Variants in ADGRB3 observed in about 807,000 individuals in gnomAD.
ADGRB3 encodes adhesion G protein-coupled receptor B3.
A neutral mutation model predicts 193.4 loss-of-function variants in ADGRB3; 37 were observed. The observed-to-expected ratio is 0.19, with a 90% CI of 0.15 to 0.25. The LOEUF is 0.25. ADGRB3 is among the 10% of genes least tolerant of loss of function. The probability of loss-of-function intolerance (pLI) is 1.00; values close to 1 mark genes in which losing one functional copy is unlikely to be tolerated. For synonymous variants in ADGRB3, 690 were observed against 644.2 expected (o/e 1.07, Z -1.08); for missense variants, 1,637 against 1,852.9 (o/e 0.88, Z 2.14).
intron 17 of ADGRB3, among the ~76,000 whole-genome samples, chr6:69,108,627 G>A (rs950630836): frequency 6.6e-6 from 1 of 152,112 alleles, no homozygotes; most frequent in Non-Finnish European, 1.5e-5. Context: ...CTATAAAAGA[G>A]AAGAATGATG....
chr6:69,109,488 GA>G (rs1175579752), intron 17 of ADGRB3, among the ~76,000 whole-genome samples: 1 of 152,138 alleles, frequency 6.6e-6, no homozygotes, highest in Non-Finnish European at 1.5e-5. Context: ...AAGTAATACT[GA>G]TTACTAGAAA....
chr6:68,837,560 T>C (rs1300309521), intron 3 of ADGRB3, among the ~76,000 whole-genome samples: 1 of 152,216 alleles, frequency 6.6e-6, no homozygotes, highest in Non-Finnish European at 1.5e-5. Context: ...ATTTTATCAA[T>C]AAAAAGTTTC....
At chr6:69,150,553 G>C (rs148847793) in intron 17 of ADGRB3, among the ~76,000 whole-genome samples, 157 of 152,298 alleles carry the variant, frequency 1.0e-3, no homozygotes, top group Non-Finnish European at 1.9e-3. Flanking sequence ...CCATTCAAGA[G>C]CCAAGGCCTG....
intron 3 of ADGRB3, among the ~76,000 whole-genome samples, chr6:68,711,840 A>G (rs1279775038): frequency 6.6e-6 from 1 of 152,108 alleles, no homozygotes; most frequent in Non-Finnish European, 1.5e-5. Context: ...CTTACTCCTT[A>G]GCAAGATAAT....
chr6:68,858,699 AGAATGGCTTG>A (rs1765063146), intron 3 of ADGRB3, among the ~76,000 whole-genome samples: 1 of 152,072 alleles, frequency 6.6e-6, no homozygotes, highest in South Asian at 2.1e-4. Context: ...CTTTGATAAG[AGAATGGCTTG>A]GGGCTTGCAC....
intron 5 of ADGRB3, among the ~76,000 whole-genome samples, chr6:68,941,776 A>G (rs890055043): frequency 1.3e-5 from 2 of 151,876 alleles, no homozygotes; most frequent in Non-Finnish European, 2.9e-5. Context: ...TATTCATTTA[A>G]TATGCCAAAA....
At chr6:69,331,851 CTTAGT>C (rs1176255688) in intron 23 of ADGRB3, 10 of 984,656 alleles carry the variant, frequency 1.0e-5, no homozygotes, top group Non-Finnish European at 1.2e-5. Context: ...CACTTTTTCT[CTTAGT>C]TTAAATGAGA....
At chr6:68,706,428 A>G (rs1475787822) in intron 3 of ADGRB3, among the ~76,000 whole-genome samples, 1 of 152,168 alleles carries the variant, frequency 6.6e-6, no homozygotes, top group Non-Finnish European at 1.5e-5. Flanking sequence ...GCTATAAGAA[A>G]AAGCTTGTTA....
chr6:69,079,706 A>G (rs11752858), intron 17 of ADGRB3, among the ~76,000 whole-genome samples: 48,397 of 151,804 alleles, frequency 0.32, 9,398 homozygotes, highest in East Asian at 0.86. Flanking sequence ...AGCTACTCTA[A>G]ATTTGGATTT....
intron 3 of ADGRB3, among the ~76,000 whole-genome samples, chr6:68,876,192 T>C (rs564584726): frequency 2.6e-5 from 4 of 152,206 alleles, no homozygotes; most frequent in African/African-American, 9.6e-5. Flanking sequence ...TATACACATA[T>C]ACAAGATGAC....
intron 3 of ADGRB3, among the ~76,000 whole-genome samples, chr6:68,802,709 T>C (rs1005598813): frequency 1.3e-5 from 2 of 151,810 alleles, no homozygotes; most frequent in African/African-American, 4.8e-5. Context: ...GTGTTAAGTT[T>C]TTAGAACTTC....
At chr6:69,184,482 C>G (rs1345689887) in intron 17 of ADGRB3, among the ~76,000 whole-genome samples, 2 of 152,056 alleles carry the variant, frequency 1.3e-5, no homozygotes, top group Non-Finnish European at 2.9e-5. Context: ...CTAATATGTA[C>G]ATGTACCTTG....
chr6:69,274,799 C>G, intron 20 of ADGRB3, among the ~76,000 whole-genome samples: 1 of 152,094 alleles, frequency 6.6e-6, no homozygotes, highest in Admixed American at 6.6e-5. Flanking sequence ...CTTCTTACCT[C>G]TTTCTTTCCA....
chr6:69,155,391 C>T (rs1475681123), intron 17 of ADGRB3, among the ~76,000 whole-genome samples: 4 of 152,258 alleles, frequency 2.6e-5, no homozygotes, highest in African/African-American at 9.6e-5. Flanking sequence ...AAAAAACAAT[C>T]CACAGTGTTT....
intron 17 of ADGRB3, among the ~76,000 whole-genome samples, chr6:69,196,434 A>G (rs1227537491): frequency 6.6e-6 from 1 of 152,052 alleles, no homozygotes; most frequent in Non-Finnish European, 1.5e-5. Flanking sequence ...TGAGTTCAAC[A>G]TCCAGGTGTC....
chr6:68,953,988 C>A (rs1889879), intron 6 of ADGRB3, among the ~76,000 whole-genome samples: 100,798 of 152,074 alleles, frequency 0.66, 33,810 homozygotes, highest in East Asian at 0.91. Context: ...CATTTATAAC[C>A]TTTACATGCT....
chr6:69,090,006 G>T (rs1772661360), intron 17 of ADGRB3, among the ~76,000 whole-genome samples: 1 of 152,218 alleles, frequency 6.6e-6, no homozygotes, highest in African/African-American at 2.4e-5. Context: ...AGCTATGTAA[G>T]TACTGTGTGC....
At chr6:69,031,540 T>TCTTG (rs1770692504) in intron 13 of ADGRB3, among the ~76,000 whole-genome samples, 1 of 60,782 alleles carries the variant, frequency 1.6e-5, no homozygotes, top group South Asian at 1.1e-3. Flanking sequence ...TTTCTTTCTT[T>TCTTG]CTTTCTTTCT....
At chr6:68,647,682 C>A (rs376571646) in intron 3 of ADGRB3, among the ~76,000 whole-genome samples, 13 of 152,274 alleles carry the variant, frequency 8.5e-5, no homozygotes, top group African/African-American at 2.9e-4. Flanking sequence ...GCCTGGAAAG[C>A]TGTCCTTTGA....
Sources: gnomAD v4.1 joint callset for allele counts (sites outside exome capture counted in the v4.1 genomes callset) on GRCh38, gnomAD v4.1.1 for gene constraint, MANE v1.5 for transcripts, NCBI Gene and HGNC (gene_info 2026-07-23, HGNC 2026-07-21) for gene names.